The following HRH2 variants were observed in gnomAD, a reference collection of about 807,000 sequenced individuals.
HRH2 encodes the protein histamine H2 receptor.
Under a neutral mutation model 20.1 loss-of-function variants are expected in HRH2, and 4 were observed. The ratio of observed to expected loss-of-function variants is 0.20; its 90% CI spans 0.10 to 0.45. The LOEUF is 0.45. HRH2 is among the 20% of genes least tolerant of loss of function. The probability of loss-of-function intolerance (pLI) is 0.99; values close to 1 mark genes in which losing one functional copy is unlikely to be tolerated. For synonymous variants in HRH2, 197 were observed against 200.7 expected, an observed-to-expected ratio of 0.98 and a Z score of 0.16; for missense variants, 250 against 461.6, an observed-to-expected ratio of 0.54 and a Z score of 4.20.
intron 1 of HRH2, among the ~76,000 whole-genome samples, chr5:175,673,130 A>G (rs1561723374): frequency 6.6e-6 from 1 of 152,232 alleles, no homozygotes; most frequent in Non-Finnish European, 1.5e-5. Context: ...TTCAAGCGCC[A>G]GCAGCAGGGA....
intron 1 of HRH2, among the ~76,000 whole-genome samples, chr5:175,668,382 ACCC>A (rs1429997228): frequency 6.6e-6 from 1 of 151,498 alleles, no homozygotes; most frequent in African/African-American, 2.4e-5. Flanking sequence ...TGAGGCAGAG[ACCC>A]CCCCAGCTGT....
chr5:175,686,895 A>C lies in HRH2; in HGVS notation c.1076+2586A>C, dbSNP rs113509125. 0.013 allele frequency among the ~76,000 whole-genome samples: 1,939 copies of C among 152,328 alleles called. 43 individuals carry two copies. Among genetic ancestry groups the C allele is most frequent in the African/African-American group, 0.043 (1,804 of 41,570 alleles). On this transcript the variant is annotated intron_variant, in intron 2 of 2. Transcript: ENST00000636584. This position sits in a 1 kb window ranked among gnomAD's most constrained non-coding sequence, Gnocchi z 4.7. ...CAACAGAAATAGCAGCGCCTGCCGC[A>C]GACTGTCCTCCAGGCTCCCGGCATG...
chr5:175,668,377 C>T lies in HRH2; in HGVS notation c.-526+10222C>T, dbSNP rs111643813. ...CTTCCTCCAGTTGAGAATTCTGAGG[C>T]AGAGACCCCCCCAGCTGTTGCTCGC... On this transcript the variant is annotated intron_variant, in intron 1 of 2. Transcript: ENST00000636584. 1.0e-3 allele frequency among the ~76,000 whole-genome samples: 159 copies of T among 152,278 alleles called. 1 individual carries two copies. The highest frequency in any genetic ancestry group is 3.7e-3 in the African/African-American group (152 of 41,556).
intron 1 of HRH2, among the ~76,000 whole-genome samples, chr5:175,665,400 A>G (rs1762857540): frequency 6.6e-6 from 1 of 152,130 alleles, no homozygotes; most frequent in Non-Finnish European, 1.5e-5. Flanking sequence ...AGAATTAAAG[A>G]GAGTTAAAGA....
intron 2 of HRH2, among the ~76,000 whole-genome samples, chr5:175,696,455 C>T (rs527563638): frequency 1.1e-4 from 16 of 151,844 alleles, no homozygotes; most frequent in South Asian, 4.2e-4. Context: ...CTGTGAGTCC[C>T]GGGCAAGTGA....
chr5:175,692,669 A>T (rs1287861651), intron 2 of HRH2, among the ~76,000 whole-genome samples: 1 of 152,162 alleles, frequency 6.6e-6, no homozygotes, highest in Admixed American at 6.5e-5. Context: ...CTGTGGATTT[A>T]TGTCTCAGCT....
In HRH2 at chr5:175,681,267, G is replaced by A. The variant is rs976370841; in HGVS notation, c.-525-1442G>A. Among the ~76,000 whole-genome samples, 2 of 152,242 alleles carry A rather than the reference G, an allele frequency of 1.3e-5. No homozygotes were observed. Among genetic ancestry groups the A allele is most frequent in the African/African-American group, 4.8e-5 (2 of 41,462 alleles). ...AGGACTGGTGGCTGAGCCAGGGAGC[G>A]TGGCAGAAGGTGATCGGGAACCCTG... On this transcript the variant is annotated intron_variant, in intron 1 of 2. Coordinates refer to ENST00000636584, the MANE Select transcript of HRH2 (RefSeq NM_001367711.1). This position sits in a 1 kb window ranked among gnomAD's most constrained non-coding sequence, Gnocchi z 4.3.
At chr5:175,700,122 TCC>T (rs1756750330) in intron 2 of HRH2, among the ~76,000 whole-genome samples, 1 of 152,134 alleles carries the variant, frequency 6.6e-6, no homozygotes, top group Admixed American at 6.6e-5. Context: ...ATCTCACACC[TCC>T]TCCTATTCAC....
At chr5:175,695,376 T>G (rs1756538531) in intron 2 of HRH2, among the ~76,000 whole-genome samples, 1 of 152,102 alleles carries the variant, frequency 6.6e-6, no homozygotes, top group Non-Finnish European at 1.5e-5. Context: ...GCGAATAATA[T>G]AGAGGCTGGA....
chr5:175,661,826 C>T (rs1214482380), intron 1 of HRH2, among the ~76,000 whole-genome samples: 2 of 152,236 alleles, frequency 1.3e-5, no homozygotes, highest in East Asian at 3.9e-4. Context: ...TCGAGACCAG[C>T]CTGGCTAATA....
intron 2 of HRH2, among the ~76,000 whole-genome samples, chr5:175,699,269 C>T (rs961233612): frequency 3.3e-5 from 5 of 152,136 alleles, no homozygotes; most frequent in Non-Finnish European, 7.3e-5. Flanking sequence ...TCCACCATGG[C>T]GTATTTTAAA....
chr5:175,688,514 C>G (rs762285221), intron 2 of HRH2, among the ~76,000 whole-genome samples: 2 of 152,264 alleles, frequency 1.3e-5, no homozygotes, highest in Non-Finnish European at 2.9e-5. Context: ...CTGAGGCCCT[C>G]TTCTCATAGG....
At chr5:175,665,906 A>G (rs111712889) in intron 1 of HRH2, among the ~76,000 whole-genome samples, 2,757 of 148,740 alleles carry the variant, frequency 0.019, 50 homozygotes, top group African/African-American at 0.053. Flanking sequence ...TATTTTTGGG[A>G]AAAAAAAAAG....
At chr5:175,705,341 C>A (rs866480230) in intron 2 of HRH2, among the ~76,000 whole-genome samples, 6 of 152,194 alleles carry the variant, frequency 3.9e-5, no homozygotes, top group Admixed American at 6.5e-5. Context: ...TCAACTAGCA[C>A]TCAAATACCT....
intron 2 of HRH2, among the ~76,000 whole-genome samples, chr5:175,695,397 C>T (rs750822412): frequency 4.6e-5 from 7 of 152,108 alleles, no homozygotes; most frequent in Admixed American, 1.3e-4. Flanking sequence ...GAACAGTGTC[C>T]GGCACCCAGT....
rs35616765 is a variant in HRH2, at chr5:175,683,091, C to CAAAA, written c.-125_-122dup. On this transcript the variant is annotated 5_prime_UTR_variant, in exon 2 of 3. Transcript: ENST00000636584. ...ATTGAAGCCTTCCCCACCCCCTGGC[C>CAAAA]AAAAAAAAAAAAAAAAAAAAACTGG... is the stretch of plus-strand genomic sequence containing the variant. 0.025 allele frequency: 14,283 copies of CAAAA among 577,316 alleles called. 306 individuals are homozygous for CAAAA. The highest frequency in any genetic ancestry group is 0.19 in the African/African-American group (5,869 of 30,256). The allele number at this position is 577,316 out of a possible 1,614,324, so 35.8% of individuals were successfully genotyped here. A position where few individuals can be genotyped will look rare whatever the true frequency, so the allele number is the denominator to read the frequency against.
intron 2 of HRH2, chr5:175,685,769 G>A (rs1192093568): frequency 1.9e-6 from 1 of 518,220 alleles, no homozygotes; most frequent in Non-Finnish European, 3.5e-6. Context: ...AACATGCTCT[G>A]CCATCTCCCA....
At chr5:175,689,928 CT>C (rs1350736239) in intron 2 of HRH2, among the ~76,000 whole-genome samples, 2 of 152,230 alleles carry the variant, frequency 1.3e-5, no homozygotes, top group African/African-American at 2.4e-5. Flanking sequence ...GCAAGGCTGA[CT>C]TTGTCTTTTG....
rs1756048203 is a variant in HRH2 at position 175,683,158 on chromosome 5, G to A, written c.-76G>A. ...TTGGGAGCTTGGAGTCCAGTGGTTGGCATAGTTGTCACATTGGGAGCAGAG... is the reference window on the plus strand; with the variant it reads ...TTGGGAGCTTGGAGTCCAGTGGTTGACATAGTTGTCACATTGGGAGCAGAG... On this transcript the variant is annotated 5_prime_UTR_variant, in exon 2 of 3. Coordinates refer to ENST00000636584, the MANE Select transcript of HRH2 (RefSeq NM_001367711.1). 6.6e-7 allele frequency: 1 copy of A among 1,516,040 alleles called. No homozygotes were observed. The allele number at this position is 1,516,040 out of a possible 1,614,324, so 93.9% of individuals were successfully genotyped here. A position where few individuals can be genotyped will look rare whatever the true frequency, so the allele number is the denominator to read the frequency against.
Sources: gnomAD v4.1 joint callset for allele counts (sites outside exome capture counted in the v4.1 genomes callset) on GRCh38, gnomAD v4.1.1 for gene constraint, Gnocchi (gnomAD v3.1) non-coding constraint, MANE v1.5 for transcripts, NCBI Gene and HGNC (gene_info 2026-07-23, HGNC 2026-07-21) for gene names.